Variants in SCN11A observed in about 807,000 individuals in gnomAD.
The protein encoded by SCN11A is sodium channel protein type 11 subunit alpha.
A neutral mutation model predicts 162.2 loss-of-function variants in SCN11A; 122 were observed. That is an observed-to-expected ratio of 0.75 (90% CI 0.65 to 0.87). SCN11A has a LOEUF of 0.87. Among genes scored for constraint, SCN11A ranks in the 40% least tolerant of loss-of-function variants. The pLI, the probability that SCN11A is intolerant of heterozygous loss-of-function variation, is 0.00. For synonymous variants in SCN11A, 758 were observed against 751.5 expected (o/e 1.01, Z -0.14); for missense variants, 2,015 against 2,181.6 (o/e 0.92, Z 1.52).
intron 16 of SCN11A, among the ~76,000 whole-genome samples, chr3:38,900,593 C>T (rs1355712862): frequency 7.2e-6 from 1 of 139,404 alleles, no homozygotes; most frequent in Non-Finnish European, 1.6e-5. Context: ...AAAAAAGGGG[C>T]ACAGATCATA....
chr3:38,929,496 G>A (rs147575817), intron 7 of SCN11A, among the ~76,000 whole-genome samples: 22 of 152,332 alleles, frequency 1.4e-4, no homozygotes, highest in Non-Finnish European at 2.8e-4. Flanking sequence ...GTGCAGCACT[G>A]TGAATGCACT....
intron 1 of SCN11A, among the ~76,000 whole-genome samples, chr3:39,047,352 G>T (rs1372959027): frequency 1.3e-5 from 2 of 151,746 alleles, no homozygotes; most frequent in African/African-American, 4.8e-5. Context: ...GACTCCCTAC[G>T]TCTCACCCTA....
intron 8 of SCN11A, among the ~76,000 whole-genome samples, chr3:38,925,784 GAAT>G (rs1219447527): frequency 6.6e-6 from 1 of 152,208 alleles, no homozygotes; most frequent in East Asian, 1.9e-4. Flanking sequence ...CTACATCCAT[GAAT>G]AATAGAAGTC....
intron 2 of SCN11A, among the ~76,000 whole-genome samples, chr3:38,976,535 A>G (rs2066850903): frequency 6.6e-6 from 1 of 152,252 alleles, no homozygotes; most frequent in Admixed American, 6.5e-5. Context: ...GCTCACTGAA[A>G]CATTTCAGGT....
chr3:39,013,061 C>G (rs1365585358), intron 2 of SCN11A, among the ~76,000 whole-genome samples: 1 of 152,010 alleles, frequency 6.6e-6, no homozygotes. Flanking sequence ...TGATGAGCTG[C>G]TATTAGAGGT....
At chr3:38,995,450 G>A (rs2030596954) in intron 2 of SCN11A, among the ~76,000 whole-genome samples, 1 of 152,110 alleles carries the variant, frequency 6.6e-6, no homozygotes, top group African/African-American at 2.4e-5. Flanking sequence ...AAATGTGAAT[G>A]GAGTTTCCTG....
chr3:38,968,692 G>A (rs569454053), intron 2 of SCN11A, among the ~76,000 whole-genome samples: 13 of 151,854 alleles, frequency 8.6e-5, no homozygotes, highest in African/African-American at 1.9e-4. Flanking sequence ...ACCCACACAC[G>A]CACACACATA....
chr3:38,946,920 A>C lies in SCN11A; in HGVS notation c.268-13T>G, dbSNP rs764287279. The C allele has an allele frequency of 2.0e-6, 3 of 1,493,074 alleles. No homozygotes were observed. The Admixed American group carries it at 5.6e-5, about 28-fold the overall frequency. The allele number at this position is 1,493,074 out of a possible 1,614,324, so 92.5% of individuals were successfully genotyped here. On this transcript the variant is annotated splice_polypyrimidine_tract_variant and intron_variant, in intron 5 of 29. Coordinates refer to ENST00000302328, the MANE Select transcript of SCN11A (RefSeq NM_001349253.2). ...ACACCATAAATGTCTGCAAAACAAA[A>C]AAAACAATACAAGAAAACACACACA...
chr3:38,884,148 G>C (rs1271945018), intron 21 of SCN11A, among the ~76,000 whole-genome samples: 1 of 151,930 alleles, frequency 6.6e-6, no homozygotes, highest in Non-Finnish European at 1.5e-5. Flanking sequence ...AACCACTATG[G>C]GCTCTCTTCA....
chr3:39,047,604 G>A (rs944865723), intron 1 of SCN11A, among the ~76,000 whole-genome samples: 2 of 152,102 alleles, frequency 1.3e-5, no homozygotes, highest in Non-Finnish European at 2.9e-5. Flanking sequence ...TACAGAATGA[G>A]AGAAAATATT....
chr3:39,037,968 T>C (rs17038356), intron 1 of SCN11A, among the ~76,000 whole-genome samples: 4,393 of 152,250 alleles, frequency 0.029, 212 homozygotes, highest in African/African-American at 0.1. Context: ...AAAAGATTGT[T>C]AAAGGAATTC....
intron 19 of SCN11A, among the ~76,000 whole-genome samples, chr3:38,889,801 A>AAAAAAT (rs2065465802): frequency 7.2e-6 from 1 of 138,140 alleles, no homozygotes; most frequent in African/African-American, 2.8e-5. Flanking sequence ...CTCCATCTCA[A>AAAAAAT]AAAAATAAAA....
At chr3:38,968,697 C>G (rs1014725680) in intron 2 of SCN11A, among the ~76,000 whole-genome samples, 1 of 152,166 alleles carries the variant, frequency 6.6e-6, no homozygotes, top group Non-Finnish European at 1.5e-5. Flanking sequence ...CACACGCACA[C>G]ACATACACAC....
chr3:38,857,688 T>C (rs533059733), intron 28 of SCN11A, among the ~76,000 whole-genome samples: 2 of 152,234 alleles, frequency 1.3e-5, no homozygotes, highest in South Asian at 2.1e-4. Flanking sequence ...CCTAGGCACA[T>C]AGTCATCAAG....
At chr3:38,963,245 C>G (rs1298191085) in intron 2 of SCN11A, among the ~76,000 whole-genome samples, 1 of 149,582 alleles carries the variant, frequency 6.7e-6, no homozygotes, top group Non-Finnish European at 1.5e-5. Context: ...AAAAAATAAT[C>G]TGTACATCCA....
In SCN11A at chr3:39,004,099, C is replaced by T. The variant is rs187862024; in HGVS notation, c.-280+28281G>A. 1.3e-3 allele frequency among the ~76,000 whole-genome samples: 192 copies of T among 152,244 alleles called. 1 individual carries two copies. The highest frequency in any genetic ancestry group is 2.1e-3 in the Non-Finnish European group (140 of 68,022). On this transcript the variant is annotated intron_variant, in intron 2 of 29. Coordinates refer to ENST00000302328, the MANE Select transcript of SCN11A (RefSeq NM_001349253.2). Reference sequence around the variant, plus strand: ...CTTTGTCATGAAATCTTTCCCTATTCCTATGTCCAGGATGGTATTGCCTAG... The same window carrying T: ...CTTTGTCATGAAATCTTTCCCTATTTCTATGTCCAGGATGGTATTGCCTAG...
Position 38,894,738 on chromosome 3 carries a change from C to T in SCN11A, c.2630G>A (p.Ser877Asn). The T allele has an allele frequency of 6.2e-7, 1 of 1,614,186 alleles. No individual in the cohort carries two copies. Among genetic ancestry groups the T allele is most frequent in the Non-Finnish European group, 8.5e-7 (1 of 1,180,014 alleles). The change falls in exon 19 of 30, where the codon AGC becomes AAC. Residue 877 changes from serine (S) to asparagine (N), a missense_variant. Physicochemically the swap from Ser to Asn is conservative, Grantham distance 46. Coordinates refer to ENST00000302328, the MANE Select transcript of SCN11A (RefSeq NM_001349253.2). ...KEVAGGCAAQ[S>N]KDIIPLVMEM... Reference sequence around the variant, plus strand: ...CATGACCAGGGGAATGATGTCTTTGCTTTGTGCAGCACAGCCTCCTGCCAC... The same window carrying T: ...CATGACCAGGGGAATGATGTCTTTGTTTTGTGCAGCACAGCCTCCTGCCAC...
chr3:39,020,955 T>A (rs1438978414), intron 2 of SCN11A, among the ~76,000 whole-genome samples: 1 of 151,520 alleles, frequency 6.6e-6, no homozygotes, highest in African/African-American at 2.4e-5. Flanking sequence ...AAAAAAAATA[T>A]TGCAAAGGGG....
At position 39,027,495 on chromosome 3, in the gene SCN11A, G is replaced by A. The variant is rs1337026017; in HGVS notation, c.-280+4885C>T. ...CTTTTGTAAATTGGAAGCTCAGCTC[G>A]AAAGTGTAGGTAAGAAAAGAAGGAC... On this transcript the variant is annotated intron_variant, in intron 2 of 29. Transcript: ENST00000302328. Among the ~76,000 whole-genome samples the A allele has an allele frequency of 5.9e-5, 9 of 152,170 alleles. No homozygotes were observed. The East Asian group carries it at 7.7e-4, about 13-fold the overall frequency.
Sources: allele counts gnomAD v4.1 joint callset (sites outside exome capture counted in the v4.1 genomes callset), GRCh38; gene constraint gnomAD v4.1.1; transcripts MANE v1.5; gene names NCBI Gene and HGNC (gene_info 2026-07-23, HGNC 2026-07-21).